The following OPCML variants were observed in gnomAD, a reference collection of about 807,000 sequenced individuals.
The protein encoded by OPCML is opioid-binding protein/cell adhesion molecule.
A neutral mutation model predicts 37.8 loss-of-function variants in OPCML; 13 were observed. That is an observed-to-expected ratio of 0.34 (90% CI 0.22 to 0.55). The LOEUF is 0.55. Ranked by LOEUF, OPCML falls within the 20% of genes least tolerant of loss-of-function variation. OPCML has a pLI of 0.91. For synonymous variants in OPCML, 176 were observed against 168.8 expected, an observed-to-expected ratio of 1.04 and a Z score of -0.33; for missense variants, 341 against 435.6, an observed-to-expected ratio of 0.78 and a Z score of 1.93.
At position 132,758,510 on chromosome 11, in the gene OPCML, CT is replaced by C. The variant is rs755645556; in HGVS notation, c.147-101192del. On this transcript the variant is annotated intron_variant, in intron 2 of 7. Coordinates refer to ENST00000524381, the MANE Select transcript of OPCML (RefSeq NM_001012393.5). The stretch of plus-strand genomic sequence containing the variant: ...GTTTGTAGTTCTTCTTGAAGAAGTC[CT>C]TCATATCCCCTGTAAGTTGGATTCC... Among the ~76,000 whole-genome samples the C allele has an allele frequency of 1.8e-3, 273 of 152,098 alleles. 6 individuals are homozygous for C. Among genetic ancestry groups the C allele is most frequent in the Non-Finnish European group, 9.4e-4 (64 of 67,990 alleles).
chr11:133,055,221 A>G (rs1404978842), intron 1 of OPCML, among the ~76,000 whole-genome samples: 30 of 121,390 alleles, frequency 2.5e-4, no homozygotes, highest in South Asian at 5.8e-4. Context: ...TGAGGGAGCC[A>G]CCTCTACCAT....
At chr11:132,684,928 T>C (rs1052998777) in intron 2 of OPCML, among the ~76,000 whole-genome samples, 4 of 152,244 alleles carry the variant, frequency 2.6e-5, no homozygotes, top group African/African-American at 9.6e-5. Flanking sequence ...AGCTATTAGA[T>C]ATTTAAAAGT....
At chr11:133,082,533 A>G (rs945792525) in intron 1 of OPCML, among the ~76,000 whole-genome samples, 4 of 112,024 alleles carry the variant, frequency 3.6e-5, no homozygotes, top group Non-Finnish European at 7.8e-5. Context: ...TCCCCTCCTC[A>G]TCCTCTCCTC....
intron 1 of OPCML, among the ~76,000 whole-genome samples, chr11:133,074,172 T>G (rs1442728538): frequency 6.6e-6 from 1 of 152,230 alleles, no homozygotes; most frequent in East Asian, 1.9e-4. Context: ...ACTTGAAACA[T>G]CTATATCTTT....
At chr11:132,881,635 A>T (rs1029903493) in intron 2 of OPCML, among the ~76,000 whole-genome samples, 6 of 142,418 alleles carry the variant, frequency 4.2e-5, no homozygotes, top group Non-Finnish European at 7.8e-5. Context: ...ATAATAATAA[A>T]AAAGAAAAAA....
chr11:132,435,535 C>T (rs1175402206), intron 7 of OPCML, among the ~76,000 whole-genome samples: 1 of 152,190 alleles, frequency 6.6e-6, no homozygotes, highest in Non-Finnish European at 1.5e-5. Context: ...GAGGTCAGTC[C>T]TGGCTCCCAA....
At chr11:133,288,429 T>C (rs1168305027) in intron 1 of OPCML, among the ~76,000 whole-genome samples, 1 of 152,202 alleles carries the variant, frequency 6.6e-6, no homozygotes, top group Non-Finnish European at 1.5e-5. Context: ...TTCTCAGCAC[T>C]TGTGCTCCCA....
chr11:133,308,383 A>G (rs1170329666), intron 1 of OPCML, among the ~76,000 whole-genome samples: 1 of 152,204 alleles, frequency 6.6e-6, no homozygotes, highest in Non-Finnish European at 1.5e-5. Context: ...TTAAATAAAG[A>G]AAGAAATTAT....
intron 1 of OPCML, among the ~76,000 whole-genome samples, chr11:133,439,699 CT>C (rs1231083201): frequency 6.6e-6 from 1 of 152,000 alleles, no homozygotes; most frequent in Non-Finnish European, 1.5e-5. Context: ...GATCTCCTGA[CT>C]TCGTGATCCA....
In OPCML at chr11:133,212,453, C is replaced by T. The variant is rs1592109524; in HGVS notation, c.62-269443G>A. ...CTTCCTGGAAAGCTCTTTCCCCATG[C>T]CTGGTCAACCCCTCACCTTCCTCAA... On this transcript the variant is annotated intron_variant, in intron 1 of 7. Coordinates refer to ENST00000524381, the MANE Select transcript of OPCML (RefSeq NM_001012393.5). This position sits in a 1 kb window ranked among gnomAD's most constrained non-coding sequence, Gnocchi z 4.9. 6.6e-6 allele frequency among the ~76,000 whole-genome samples: 1 copy of T among 152,192 alleles called. No homozygotes were observed.
chr11:133,359,785 T>C (rs1944373451), intron 1 of OPCML, among the ~76,000 whole-genome samples: 1 of 152,254 alleles, frequency 6.6e-6, no homozygotes, highest in Non-Finnish European at 1.5e-5. Context: ...CTTATCTTGT[T>C]ATCCTCGGTA....
intron 2 of OPCML, among the ~76,000 whole-genome samples, chr11:132,890,868 A>G (rs1293446535): frequency 5.3e-5 from 8 of 150,224 alleles, no homozygotes; most frequent in African/African-American, 7.3e-5. Flanking sequence ...AAAAAAAAAA[A>G]AAAAAGAAAA....
At chr11:133,069,611 G>T (rs1948493198) in intron 1 of OPCML, among the ~76,000 whole-genome samples, 1 of 152,182 alleles carries the variant, frequency 6.6e-6, no homozygotes, top group Non-Finnish European at 1.5e-5. Flanking sequence ...GAAGCTACAT[G>T]TGTGCCCTAA....
In OPCML at chr11:132,659,951, T is replaced by C. The variant is rs142166081; in HGVS notation, c.147-2632A>G. Among the ~76,000 whole-genome samples the C allele has an allele frequency of 6.6e-3, 1,005 of 152,312 alleles. 14 individuals are homozygous for C. Among genetic ancestry groups the C allele is most frequent in the African/African-American group, 0.023 (942 of 41,572 alleles). On this transcript the variant is annotated intron_variant, in intron 2 of 7. Transcript: ENST00000524381. Reference sequence around the variant, plus strand: ...CCATATTTATTTGCAACCAAAAATATACAGAGATTGAAATTTAAATTTCTT... The same window carrying C: ...CCATATTTATTTGCAACCAAAAATACACAGAGATTGAAATTTAAATTTCTT...
At chr11:133,508,762 C>A (rs369156986) in intron 1 of OPCML, among the ~76,000 whole-genome samples, 1 of 152,206 alleles carries the variant, frequency 6.6e-6, no homozygotes, top group Non-Finnish European at 1.5e-5. Context: ...TGTCCCTCCA[C>A]GCCGGATGCA....
At chr11:132,848,889 G>A (rs1287922602) in intron 2 of OPCML, among the ~76,000 whole-genome samples, 2 of 152,130 alleles carry the variant, frequency 1.3e-5, no homozygotes, top group Non-Finnish European at 2.9e-5. Flanking sequence ...CATGCCAATG[G>A]AAAAGCTTTA....
chr11:133,274,727 G>A (rs968534381), intron 1 of OPCML, among the ~76,000 whole-genome samples: 6 of 152,294 alleles, frequency 3.9e-5, no homozygotes, highest in Middle Eastern at 3.4e-3. Context: ...TTGACCCTAC[G>A]GCCAGGCGGC....
chr11:133,213,379 T>A (rs983878380), intron 1 of OPCML, among the ~76,000 whole-genome samples: 3 of 152,174 alleles, frequency 2.0e-5, no homozygotes, highest in Non-Finnish European at 4.4e-5. Context: ...CCTCATTGCA[T>A]AATGAACATC....
intron 1 of OPCML, among the ~76,000 whole-genome samples, chr11:133,154,513 G>T (rs1239051885): frequency 2.0e-5 from 3 of 151,744 alleles, no homozygotes; most frequent in African/African-American, 4.8e-5. Context: ...TTGGGGAAAA[G>T]GTCTCTTCAT....
Sources: allele counts gnomAD v4.1 joint callset (sites outside exome capture counted in the v4.1 genomes callset), GRCh38; gene constraint gnomAD v4.1.1; non-coding constraint Gnocchi (gnomAD v3.1); transcripts MANE v1.5; gene names NCBI Gene and HGNC (gene_info 2026-07-23, HGNC 2026-07-21).